Variants in SPTBN2 observed in about 807,000 individuals in gnomAD.
SPTBN2 encodes spectrin beta chain, non-erythrocytic 2.
SPTBN2 carries 107 observed loss-of-function variants against 284.2 expected under a neutral mutation model. The observed-to-expected ratio is 0.38, with a 90% confidence interval of 0.32 to 0.44. The LOEUF (loss-of-function observed/expected upper bound fraction) is 0.44. Ranked by LOEUF, SPTBN2 falls within the 20% of genes least tolerant of loss-of-function variation. SPTBN2 has a pLI of 1.00. For missense variants in SPTBN2, 2,569 were observed against 3,287.1 expected (o/e 0.78, Z 5.34); for synonymous variants, 1,289 against 1,354.8 (o/e 0.95, Z 1.07).
At position 66,696,463 on chromosome 11, in the gene SPTBN2, G is replaced by C. The variant is rs747054822; in HGVS notation, c.4092C>G (p.Arg1364=). 1 of 1,612,530 alleles carries C rather than the reference G, an allele frequency of 6.2e-7. No individual in the cohort carries two copies. Among genetic ancestry groups the C allele is most frequent in the African/African-American group, 1.3e-5 (1 of 74,926 alleles). ...GGGTGGTGGTCTCCAGCTCGTCCCAGCGCCTGTGCAGGTCTCTCAGCTTCT... is the reference window on the plus strand; with the variant it reads ...GGGTGGTGGTCTCCAGCTCGTCCCACCGCCTGTGCAGGTCTCTCAGCTTCT... ...VSEKLRDLHR[R]WDELETTTQA... is the part of the protein sequence containing the mutation. The change falls in exon 21 of 38, where the codon CGC becomes CGG. Residue 1364 remains arginine, a synonymous_variant. Coordinates refer to ENST00000533211, the MANE Select transcript of SPTBN2 (RefSeq NM_006946.4).
chr11:66,744,033 G>GT (rs1244188973), intron 1 of SPTBN2, among the ~76,000 whole-genome samples: 1 of 152,026 alleles, frequency 6.6e-6, no homozygotes, highest in African/African-American at 2.4e-5. Context: ...GCTAATTTTT[G>GT]TATTTTCAGT....
upstream of SPTBN2, among the ~76,000 whole-genome samples, chr11:66,733,685 A>G (rs1445032704): frequency 6.6e-6 from 1 of 152,208 alleles, no homozygotes; most frequent in Non-Finnish European, 1.5e-5. Flanking sequence ...TGGTAATTGA[A>G]GGGGATAGAT....
rs752929987 is a variant in SPTBN2, at chr11:66,687,997, G to A, written c.6450+7C>T. 4.3e-6 allele frequency: 7 copies of A among 1,614,226 alleles called. No homozygotes were observed. Among genetic ancestry groups the A allele is most frequent in the Admixed American group, 1.7e-5 (1 of 60,024 alleles). On this transcript the variant is annotated splice_region_variant and intron_variant, in intron 33 of 37. Transcript: ENST00000533211. This position sits in a 1 kb window ranked among gnomAD's most constrained non-coding sequence, Gnocchi z 5.2. Reference sequence around the variant, plus strand: ...CCGATGGGGGCACAGAGGGACAGTGGGGTCACCTGTGAGGGCTCTCCATCT... The same window carrying A: ...CCGATGGGGGCACAGAGGGACAGTGAGGTCACCTGTGAGGGCTCTCCATCT...
chr11:66,689,530 G>C (rs749113491), intron 29 of SPTBN2, among the ~76,000 whole-genome samples: 2 of 151,618 alleles, frequency 1.3e-5, no homozygotes, highest in African/African-American at 4.8e-5. Flanking sequence ...TCTCGAACTC[G>C]TGACCTCAGG....
Position 66,701,028 on chromosome 11 carries a change from G to A in SPTBN2, c.3071C>T (p.Ala1024Val). The change falls in exon 17 of 38, where the codon GCC (alanine) becomes GTC (valine). Residue 1024 changes from alanine (A) to valine (V), a missense_variant. Ala to Val is a moderately conservative substitution (Grantham distance 64). Around this residue, in one of 6 missense-constraint regions of SPTBN2, gnomAD observed 1,012 missense variants for 1,248.9 expected, o/e 0.81. Coordinates refer to ENST00000533211, the MANE Select transcript of SPTBN2 (RefSeq NM_006946.4). ...CTGAGCGGGATGGCCGGCAGCCAGG[G>A]CATTTGCCTCTCGAGTCAGTTCGCC... ...RVGELTREAN[A>V]LAAGHPAQAV... 1 of 1,608,738 alleles carries A rather than the reference G, an allele frequency of 6.2e-7. No individual in the cohort carries two copies. The highest frequency in any genetic ancestry group is 8.5e-7 in the Non-Finnish European group (1 of 1,179,820).
Position 66,713,712 on chromosome 11 carries a change from ACTT to A in SPTBN2, c.688_690del (p.Lys230del), listed in dbSNP as rs1201352016. 1 of 1,614,094 alleles carries A rather than the reference ACTT, an allele frequency of 6.2e-7. No homozygotes were observed. The highest frequency in any genetic ancestry group is 1.3e-5 in the African/African-American group (1 of 75,032). On this transcript the variant is annotated inframe_deletion, in exon 8 of 38. Coordinates refer to ENST00000533211, the MANE Select transcript of SPTBN2 (RefSeq NM_006946.4). ...TTCTGCAGATTATAGTGTGCATTAC[ACTT>A]CTTCAGAGACTCAAAATCCAGCAGG...
At chr11:66,692,269 G>A (rs997145114) in intron 26 of SPTBN2, among the ~76,000 whole-genome samples, 4 of 152,038 alleles carry the variant, frequency 2.6e-5, no homozygotes, top group Non-Finnish European at 5.9e-5. Context: ...GAGATGGGGG[G>A]TCTCACTATG....
Position 66,688,260 on chromosome 11 carries a change from G to A in SPTBN2, c.6283C>T (p.Arg2095Trp), listed in dbSNP as rs761960627. The stretch of plus-strand genomic sequence containing the variant: ...GGTTCGGGAGCAGGCGGCTGTTTCC[G>A]CCGCTCCTCCTCCTCCCTCTTTCTC... ...RKRKREEEERRKQPPAPEPTA... is the reference protein window; with the variant it reads ...RKRKREEEERWKQPPAPEPTA... The change falls in exon 32 of 38, where the codon CGG (arginine) becomes TGG (tryptophan). Residue 2095 changes from arginine to tryptophan, a missense_variant. Around this residue, in one of 6 missense-constraint regions of SPTBN2, gnomAD observed 1,130 missense variants for 1,317.3 expected, o/e 0.86. Transcript: ENST00000533211. The A allele has an allele frequency of 3.8e-5, 61 of 1,612,672 alleles. No individual in the cohort carries two copies. Among genetic ancestry groups the A allele is most frequent in the African/African-American group, 1.6e-4 (12 of 74,908 alleles).
upstream of SPTBN2, among the ~76,000 whole-genome samples, chr11:66,733,776 T>C (rs1419834066): frequency 6.6e-6 from 1 of 152,144 alleles, no homozygotes; most frequent in Non-Finnish European, 1.5e-5. Flanking sequence ...TCAATAATCC[T>C]ATTGCACCTG....
Position 66,682,520 on chromosome 11 carries a change from A to AG in SPTBN2, c.*3350_*3351insC, listed in dbSNP as rs774664200. Among the ~76,000 whole-genome samples the AG allele has an allele frequency of 6.6e-6, 1 of 152,244 alleles. No homozygotes were observed. Among genetic ancestry groups the AG allele is most frequent in the Non-Finnish European group, 1.5e-5 (1 of 68,048 alleles). On this transcript the variant is annotated 3_prime_UTR_variant, in exon 38 of 38. Transcript: ENST00000533211. ...AATAGTTGAAATTCACTTTAATGATACTTTTGAAACCCAATATATCTAAAA... is the reference window on the plus strand; with the variant it reads ...AATAGTTGAAATTCACTTTAATGATAGCTTTTGAAACCCAATATATCTAAAA...
chr11:66,710,521 ATT>A lies in SPTBN2; in HGVS notation c.1073+59_1073+60del. On this transcript the variant is annotated intron_variant, in intron 10 of 37. Transcript: ENST00000533211. This position sits in a 1 kb window ranked among gnomAD's most constrained non-coding sequence, Gnocchi z 4.9. ...ATTTCCCTCCCTGAAGGCTGTGCTA[ATT>A]TAGGCTTCCTCTCGTGGGAGCACAG... The A allele has an allele frequency of 1.3e-6, 2 of 1,569,128 alleles. No homozygotes were observed. Among genetic ancestry groups the A allele is most frequent in the Non-Finnish European group, 1.7e-6 (2 of 1,152,070 alleles).
chr11:66,689,735 G>A (rs1940404372), intron 29 of SPTBN2, 70 bp downstream of exon 29: 2 of 1,602,774 alleles, frequency 1.2e-6, no homozygotes, highest in South Asian at 1.1e-5. Context: ...AGAGGAAGCA[G>A]AAAGCCACCA....
In SPTBN2 at chr11:66,721,090, G is replaced by C. The variant is rs1439956051; in HGVS notation, c.151C>G (p.Leu51Val). ...RLFERSRIKA[L>V]ADEREAVQKK... ...GACCCTCCTCTGACCTCACCTGCCA[G>C]AGCCTTAATGCGAGACCTCTCAAAG... Residue 51 changes from leucine to valine, a missense_variant, in exon 3 of 38, where the codon CTG becomes GTG. Around this residue, in one of 6 missense-constraint regions of SPTBN2, gnomAD observed 304 missense variants for 522.1 expected, o/e 0.58. Coordinates refer to ENST00000533211, the MANE Select transcript of SPTBN2 (RefSeq NM_006946.4). 6.2e-7 allele frequency: 1 copy of C among 1,614,170 alleles called. No individual in the cohort carries two copies. The highest frequency in any genetic ancestry group is 1.1e-5 in the South Asian group (1 of 91,084).
intron 29 of SPTBN2, 29 bp downstream of exon 29, chr11:66,689,776 A>G: frequency 1.2e-6 from 2 of 1,611,656 alleles, no homozygotes; most frequent in South Asian, 1.1e-5. Flanking sequence ...GCACAGTGAG[A>G]ATGGCCCGGC....
intron 21 of SPTBN2, among the ~76,000 whole-genome samples, chr11:66,695,341 G>A (rs1056983810): frequency 1.3e-5 from 2 of 152,134 alleles, no homozygotes; most frequent in African/African-American, 2.4e-5. Flanking sequence ...CTGCAGCCTC[G>A]ACTCTCCAGG....
At chr11:66,734,630 G>C (rs1270907828) in intron 1 of SPTBN2, among the ~76,000 whole-genome samples, 1 of 152,152 alleles carries the variant, frequency 6.6e-6, no homozygotes, top group Non-Finnish European at 1.5e-5. Flanking sequence ...TCTGGGACAG[G>C]GGCATTCTGA....
exon 1 of SPTBN2, chr11:66,744,663 G>A (rs1380088761): frequency 1.0e-5 from 5 of 494,662 alleles, no homozygotes; most frequent in Non-Finnish European, 1.4e-5. Context: ...GCGGTCTCGG[G>A]GCCCTGCAGC....
At chr11:66,709,128 A>C in intron 10 of SPTBN2, 109 bp from the exon 11 acceptor site, 1 of 907,602 alleles carries the variant, frequency 1.1e-6, no homozygotes. Context: ...TACAAAAGCA[A>C]TATAAACTTT....
At chr11:66,742,902 G>A (rs1054948394) in intron 1 of SPTBN2, among the ~76,000 whole-genome samples, 88 of 152,290 alleles carry the variant, frequency 5.8e-4, no homozygotes, top group African/African-American at 2.0e-3. Flanking sequence ...GAGCCACTGC[G>A]CCCGGCCACG....
Sources: gnomAD v4.1 joint callset for allele counts (sites outside exome capture counted in the v4.1 genomes callset) on GRCh38, gnomAD v4.1.1 for gene constraint, gnomAD v4.1.1 regional missense constraint, Gnocchi (gnomAD v3.1) non-coding constraint, MANE v1.5 for transcripts, NCBI Gene and HGNC (gene_info 2026-07-23, HGNC 2026-07-21) for gene names.